Variants in TTC7B observed in about 807,000 individuals in gnomAD.
TTC7B encodes the protein tetratricopeptide repeat domain 7B, also known as tetratricopeptide repeat protein 7B.
TTC7B carries 28 observed loss-of-function variants against 106.8 expected under a neutral mutation model. The ratio of observed to expected loss-of-function variants is 0.26; its 90% CI spans 0.19 to 0.36. TTC7B has a LOEUF of 0.36. Among genes scored for constraint, TTC7B ranks in the 10% least tolerant of loss-of-function variants. The pLI is 1.00. For synonymous variants in TTC7B, 405 were observed against 430.6 expected (o/e 0.94, Z 0.74); for missense variants, 862 against 1,076.4 (o/e 0.80, Z 2.79).
At position 90,657,364 on chromosome 14, in the gene TTC7B, G is replaced by T; in HGVS notation, c.1237-86C>A. ...GCCTTCTCAGAGGGGTTTTTGGTCA[G>T]GGTGACCTCCTCGTGGGCTTGTCCA... On this transcript the variant is annotated intron_variant, in intron 10 of 19. Coordinates refer to ENST00000328459, the MANE Select transcript of TTC7B (RefSeq NM_001010854.2). The surrounding 1 kb of genome is among the most constrained non-coding windows in gnomAD (Gnocchi z 4.2). 1 of 1,331,486 alleles carries T rather than the reference G, an allele frequency of 7.5e-7. No homozygotes were observed. The highest frequency in any genetic ancestry group is 1.0e-6 in the Non-Finnish European group (1 of 961,032). The allele number at this position is 1,331,486 out of a possible 1,614,324, so 82.5% of individuals were successfully genotyped here. A position where few individuals can be genotyped will look rare whatever the true frequency, so the allele number is the denominator to read the frequency against.
At chr14:90,655,198 T>G in intron 11 of TTC7B, 88 bp from the exon 12 acceptor site, 1 of 905,990 alleles carries the variant, frequency 1.1e-6, no homozygotes, top group Non-Finnish European at 1.8e-6. Flanking sequence ...AAATTGGATT[T>G]CTGATGAGTC....
intron 3 of TTC7B, among the ~76,000 whole-genome samples, chr14:90,754,074 T>C (rs1890212868): frequency 2.0e-5 from 3 of 152,244 alleles, no homozygotes; most frequent in South Asian, 4.1e-4. Flanking sequence ...GAGTTTGTGA[T>C]AATTCATCTA....
At chr14:90,765,495 TA>T (rs1400309608) in intron 3 of TTC7B, among the ~76,000 whole-genome samples, 1 of 152,168 alleles carries the variant, frequency 6.6e-6, no homozygotes, top group Non-Finnish European at 1.5e-5. Context: ...ATCTGTTATT[TA>T]AAAAGCTATA....
rs150464492 is a variant in TTC7B at position 90,807,904 on chromosome 14, G to A, written c.121+8271C>T. Among the ~76,000 whole-genome samples, 870 of 152,324 alleles carry A rather than the reference G, an allele frequency of 5.7e-3. 3 individuals are homozygous for A. Among genetic ancestry groups the A allele is most frequent in the Admixed American group, 8.6e-3 (131 of 15,306 alleles). ...TACTATATCAGTATCTCTGGGAGTG[G>A]GGCTTTGCAATCTGGATTCTAACAA... On this transcript the variant is annotated intron_variant, in intron 1 of 19. Coordinates refer to ENST00000328459, the MANE Select transcript of TTC7B (RefSeq NM_001010854.2). This position sits in a 1 kb window ranked among gnomAD's most constrained non-coding sequence, Gnocchi z 4.1.
At chr14:90,576,047 C>T (rs1421279735) in intron 19 of TTC7B, among the ~76,000 whole-genome samples, 1 of 152,016 alleles carries the variant, frequency 6.6e-6, no homozygotes, top group South Asian at 2.1e-4. Context: ...AAGTGCCTGG[C>T]ATGTGTCAGG....
intron 17 of TTC7B, 25 bp from the exon 18 acceptor site, chr14:90,593,651 C>A: frequency 6.4e-7 from 1 of 1,557,038 alleles, no homozygotes; most frequent in Non-Finnish European, 8.7e-7. Context: ...TGAGAAGACT[C>A]TATCAGGAGC....
intron 1 of TTC7B, among the ~76,000 whole-genome samples, chr14:90,800,264 G>A (rs189937493): frequency 3.3e-5 from 5 of 152,246 alleles, no homozygotes; most frequent in African/African-American, 4.8e-5. Flanking sequence ...TGGGCAGGAC[G>A]AGGTGAGAAA....
intron 18 of TTC7B, among the ~76,000 whole-genome samples, chr14:90,584,582 A>T (rs926647343): frequency 6.6e-6 from 1 of 152,168 alleles, no homozygotes; most frequent in African/African-American, 2.4e-5. Context: ...CAGAAGGGAC[A>T]TCTTTCGGAA....
At chr14:90,603,146 T>C (rs1271528117) in intron 17 of TTC7B, 63 of 752,374 alleles carry the variant, frequency 8.4e-5, no homozygotes, top group Non-Finnish European at 5.1e-5. Context: ...GATGTCCACG[T>C]CATCTCAGCA....
At chr14:90,729,404 C>T (rs575205153) in intron 5 of TTC7B, among the ~76,000 whole-genome samples, 2 of 152,240 alleles carry the variant, frequency 1.3e-5, no homozygotes, top group East Asian at 1.9e-4. Flanking sequence ...GCAAAGCCTA[C>T]GGGGGTGCTA....
intron 13 of TTC7B, among the ~76,000 whole-genome samples, chr14:90,648,133 A>G (rs1885548429): frequency 6.6e-6 from 1 of 152,086 alleles, no homozygotes; most frequent in African/African-American, 2.4e-5. Flanking sequence ...AATTTAGGTC[A>G]TTGTTTATGC....
intron 3 of TTC7B, among the ~76,000 whole-genome samples, chr14:90,771,082 T>A (rs1890848366): frequency 1.3e-5 from 2 of 152,106 alleles, no homozygotes. Flanking sequence ...CATGAGTTTT[T>A]AAAAGGGAAA....
At chr14:90,801,222 C>CAAAAAA (rs67620286) in intron 1 of TTC7B, among the ~76,000 whole-genome samples, 6 of 70,906 alleles carry the variant, frequency 8.5e-5, no homozygotes, top group Non-Finnish European at 1.1e-4. Context: ...AAGACCCTAT[C>CAAAAAA]AAAAAAAAAA....
rs1308821232 is a variant in TTC7B at position 90,752,317 on chromosome 14, AG to A, written c.446-7396del. ...AGCATTGCTTGAGCCCAAGAGTTCG[AG>A]ACCAGCCTGCCTAACATAGTGAGAC... is the stretch of plus-strand genomic sequence containing the variant. On this transcript the variant is annotated intron_variant, in intron 3 of 19. Transcript: ENST00000328459. 2.2e-4 allele frequency among the ~76,000 whole-genome samples: 34 copies of A among 152,298 alleles called. 1 individual carries two copies. Among genetic ancestry groups the A allele is most frequent in the Middle Eastern group, 6.8e-3 (2 of 294 alleles).
At chr14:90,675,391 G>A (rs760794349) in intron 9 of TTC7B, among the ~76,000 whole-genome samples, 1 of 152,176 alleles carries the variant, frequency 6.6e-6, no homozygotes, top group Non-Finnish European at 1.5e-5. Context: ...TGGGGAGAAG[G>A]GGGGTCCAGG....
intron 2 of TTC7B, among the ~76,000 whole-genome samples, chr14:90,785,181 G>A (rs117929048): frequency 3.2e-3 from 488 of 152,300 alleles, no homozygotes; most frequent in Non-Finnish European, 4.4e-3. Context: ...CAAGTCGGGA[G>A]CAGGCTGGAG....
intron 1 of TTC7B, among the ~76,000 whole-genome samples, chr14:90,806,800 G>A (rs896704419): frequency 9.9e-5 from 15 of 152,048 alleles, no homozygotes; most frequent in African/African-American, 3.1e-4. Context: ...CCAGCTACTC[G>A]GGAGGCTGCG....
intron 3 of TTC7B, among the ~76,000 whole-genome samples, chr14:90,758,543 G>C (rs1450144043): frequency 6.6e-6 from 1 of 152,206 alleles, no homozygotes; most frequent in Non-Finnish European, 1.5e-5. Flanking sequence ...ATGCGCAACT[G>C]TGGCGCGCGA....
intron 9 of TTC7B, among the ~76,000 whole-genome samples, chr14:90,668,472 G>A (rs1249533359): frequency 2.0e-5 from 3 of 152,132 alleles, no homozygotes; most frequent in Admixed American, 6.5e-5. Context: ...CCCTATATAA[G>A]GGTCAAGGAT....
Sources: gnomAD v4.1 joint callset for allele counts (sites outside exome capture counted in the v4.1 genomes callset) on GRCh38, gnomAD v4.1.1 for gene constraint, Gnocchi (gnomAD v3.1) non-coding constraint, MANE v1.5 for transcripts, NCBI Gene and HGNC (gene_info 2026-07-23, HGNC 2026-07-21) for gene names.